PPP2R3A: variants seen among roughly 807,000 people sequenced by gnomAD.
PPP2R3A encodes the protein protein phosphatase 2 regulatory subunit B''alpha, also known as serine/threonine-protein phosphatase 2A regulatory subunit B'' subunit alpha.
Under a neutral mutation model 106.9 loss-of-function variants are expected in PPP2R3A, and 80 were observed. That is an observed-to-expected ratio of 0.75 (90% confidence interval 0.62 to 0.90). The LOEUF (loss-of-function observed/expected upper bound fraction) is 0.90, where lower values mean the gene tolerates loss of function less well. PPP2R3A is among the 40% of genes least tolerant of loss of function. The pLI is 0.00. For missense variants in PPP2R3A, 1,386 were observed against 1,350.4 expected (o/e 1.03, Z -0.41); for synonymous variants, 483 against 468.3 (o/e 1.03, Z -0.41).
intron 13 of PPP2R3A, among the ~76,000 whole-genome samples, chr3:136,132,164 A>T (rs79802275): frequency 1.4e-5 from 2 of 144,828 alleles, no homozygotes; most frequent in African/African-American, 5.4e-5. Context: ...TAAGTATAAT[A>T]AAAAAAAAAC....
chr3:135,975,809 G>A (rs745478371), intron 1 of PPP2R3A, among the ~76,000 whole-genome samples: 23 of 152,006 alleles, frequency 1.5e-4, no homozygotes, highest in Non-Finnish European at 3.2e-4. Context: ...TGGTCCCCAA[G>A]TTATCTGTAC....
chr3:136,110,689 T>C (rs575362261), intron 13 of PPP2R3A, among the ~76,000 whole-genome samples: 1 of 152,334 alleles, frequency 6.6e-6, no homozygotes, highest in Admixed American at 6.5e-5. Context: ...AATAAAACTT[T>C]AGTAACAGAC....
At chr3:135,975,249 T>C (rs998083236) in intron 1 of PPP2R3A, among the ~76,000 whole-genome samples, 1 of 152,172 alleles carries the variant, frequency 6.6e-6, no homozygotes, top group East Asian at 1.9e-4. Context: ...GTGTTGATTC[T>C]ACTGAGAAAT....
Position 136,013,180 on chromosome 3 carries a change from G to GTGTATGTATGTA in PPP2R3A, c.1995+9725_1995+9736dup, listed in dbSNP as rs201268370. Among the ~76,000 whole-genome samples, 128 of 142,268 alleles carry GTGTATGTATGTA rather than the reference G, an allele frequency of 9.0e-4. 1 individual carries two copies. Among genetic ancestry groups the GTGTATGTATGTA allele is most frequent in the Non-Finnish European group, 3.5e-4 (22 of 63,300 alleles). The allele number at this position is 142,268 out of a possible 152,430, so 93.3% of individuals were successfully genotyped here. A position where few individuals can be genotyped will look rare whatever the true frequency, so the allele number is the denominator to read the frequency against. On this transcript the variant is annotated intron_variant, in intron 2 of 13. Transcript: ENST00000264977. ...ATGGTGTGTGTGTGTGTGTGTGTGT[G>GTGTATGTATGTA]TGTATGTATGTATGTATGTATGTAT...
chr3:136,137,400 G>A (rs1016488865), intron 13 of PPP2R3A, among the ~76,000 whole-genome samples: 5 of 151,956 alleles, frequency 3.3e-5, no homozygotes, highest in Admixed American at 3.3e-4. Context: ...TAGTGCTTCA[G>A]TGTTCTCAAG....
chr3:136,133,327 T>C (rs1207413709), intron 13 of PPP2R3A, among the ~76,000 whole-genome samples: 1 of 152,128 alleles, frequency 6.6e-6, no homozygotes, highest in Admixed American at 6.5e-5. Flanking sequence ...ATTTTTTAAA[T>C]AGAACATGTG....
chr3:136,135,431 C>A (rs1938572740), intron 13 of PPP2R3A, among the ~76,000 whole-genome samples: 1 of 152,092 alleles, frequency 6.6e-6, no homozygotes. Context: ...ACCTAAATTC[C>A]CAAGGCTAAA....
intron 10 of PPP2R3A, among the ~76,000 whole-genome samples, chr3:136,100,898 A>G (rs969255141): frequency 2.6e-5 from 4 of 152,120 alleles, no homozygotes; most frequent in African/African-American, 7.2e-5. Context: ...CAAAATACCA[A>G]CCATATTAGA....
At chr3:135,967,439 C>G (rs1937120066) in intron 1 of PPP2R3A, among the ~76,000 whole-genome samples, 1 of 152,116 alleles carries the variant, frequency 6.6e-6, no homozygotes, top group African/African-American at 2.4e-5. Flanking sequence ...AAGGGCCTAT[C>G]TGACTTTATC....
intron 5 of PPP2R3A, among the ~76,000 whole-genome samples, chr3:136,067,455 C>CA (rs577936053): frequency 8.5e-5 from 13 of 152,244 alleles, no homozygotes; most frequent in African/African-American, 2.9e-4. Context: ...GTTTTCTAGT[C>CA]ATAGTGCAAG....
At chr3:136,047,637 C>T (rs1576460749) in intron 4 of PPP2R3A, among the ~76,000 whole-genome samples, 1 of 152,268 alleles carries the variant, frequency 6.6e-6, no homozygotes, top group Middle Eastern at 3.4e-3. Flanking sequence ...CGTGGTGGCT[C>T]ACGCCTGTAA....
At position 136,105,039 on chromosome 3, in the gene PPP2R3A, AAG is replaced by A. The variant is rs1206094541; in HGVS notation, c.3223-1173_3223-1172del. On this transcript the variant is annotated intron_variant, in intron 12 of 13. Transcript: ENST00000264977. ...TTAATAAATTCTGGGCACTGTGTTG[AAG>A]AGATACTGGATATATGGAGATGGCA... 4.6e-5 allele frequency among the ~76,000 whole-genome samples: 7 copies of A among 152,336 alleles called. No individual in the cohort carries two copies. The East Asian group carries it at 1.2e-3, about 25-fold the overall frequency.
chr3:136,029,242 T>TC (rs1220225523), intron 3 of PPP2R3A, among the ~76,000 whole-genome samples: 1 of 152,190 alleles, frequency 6.6e-6, no homozygotes, highest in East Asian at 1.9e-4. Context: ...GCATAGTAGT[T>TC]CCCTGGTACA....
intron 1 of PPP2R3A, among the ~76,000 whole-genome samples, 169 bp from the exon 2 acceptor site, chr3:136,000,890 A>T (rs759115626): frequency 1.3e-5 from 2 of 152,208 alleles, no homozygotes; most frequent in African/African-American, 2.4e-5. Flanking sequence ...ACTCTAGGCA[A>T]TAAGGAGTAT....
chr3:136,003,529 T>C, intron 2 of PPP2R3A, 36 bp downstream of exon 2: 1 of 1,506,284 alleles, frequency 6.6e-7, no homozygotes, highest in African/African-American at 1.4e-5. Context: ...AGGAACTCTT[T>C]AAAAAATGTT....
intron 13 of PPP2R3A, among the ~76,000 whole-genome samples, chr3:136,126,005 A>G (rs1254853539): frequency 6.6e-6 from 1 of 152,062 alleles, no homozygotes; most frequent in African/African-American, 2.4e-5. Context: ...TGGTTAAAAG[A>G]AAAAAAAGGA....
chr3:135,974,128 A>C (rs537223616), intron 1 of PPP2R3A, among the ~76,000 whole-genome samples: 5 of 152,174 alleles, frequency 3.3e-5, no homozygotes, highest in Non-Finnish European at 7.3e-5. Context: ...GCTTTGCTGC[A>C]TTCTCTGCAT....
intron 13 of PPP2R3A, among the ~76,000 whole-genome samples, chr3:136,132,360 T>A (rs530083769): frequency 2.2e-4 from 34 of 152,122 alleles, no homozygotes; most frequent in African/African-American, 8.0e-4. Flanking sequence ...ACCTACAAAT[T>A]GAAAACTAAG....
In PPP2R3A at chr3:136,106,926, C is replaced by CAAAAAA. The variant is rs36029618; in HGVS notation, c.3329+627_3329+632dup. On this transcript the variant is annotated intron_variant, in intron 13 of 13. Transcript: ENST00000264977. Reference sequence around the variant, plus strand: ...GGCAACAAGAGCAAAACTCCGTCTCCAAAAAAAAAAAAAAAAAAAAAAAAA... The same window carrying CAAAAAA: ...GGCAACAAGAGCAAAACTCCGTCTCCAAAAAAAAAAAAAAAAAAAAAAAAAAAAAAA... The CAAAAAA allele has an allele frequency of 1.1e-3, 44 of 41,728 alleles. 1 individual carries two copies. The highest frequency in any genetic ancestry group is 2.5e-3 in the African/African-American group (40 of 15,924). 2.6% of individuals were successfully genotyped at this position (41,728 alleles called of 1,614,324 possible). A position where few individuals can be genotyped will look rare whatever the true frequency, so the allele number is the denominator to read the frequency against.
Sources: allele counts gnomAD v4.1 joint callset (sites outside exome capture counted in the v4.1 genomes callset), GRCh38; gene constraint gnomAD v4.1.1; transcripts MANE v1.5; gene names NCBI Gene and HGNC (gene_info 2026-07-23, HGNC 2026-07-21).